The following DLG2 variants were observed in gnomAD, a reference collection of about 807,000 sequenced individuals.
The protein encoded by DLG2 is disks large homolog 2.
A neutral mutation model predicts 132.5 loss-of-function variants in DLG2; 45 were observed. The observed-to-expected ratio is 0.34, with a 90% CI of 0.27 to 0.44. The LOEUF (loss-of-function observed/expected upper bound fraction) is 0.44. Ranked by LOEUF, DLG2 falls within the 20% of genes least tolerant of loss-of-function variation. The pLI, the probability that DLG2 is intolerant of heterozygous loss-of-function variation, is 1.00. For missense variants in DLG2, 1,045 were observed against 1,196.9 expected, an observed-to-expected ratio of 0.87 and a Z score of 1.87; for synonymous variants, 424 against 419.6, an observed-to-expected ratio of 1.01 and a Z score of -0.13.
intron 7 of DLG2, among the ~76,000 whole-genome samples, chr11:84,355,817 T>C (rs867317644): frequency 2.6e-5 from 4 of 152,106 alleles, no homozygotes; most frequent in Non-Finnish European, 5.9e-5. Flanking sequence ...GGTTAGTGTA[T>C]CCTGAAGGGA....
chr11:83,747,274 ATCTTCCT>A (rs1327279431), intron 18 of DLG2, among the ~76,000 whole-genome samples: 1 of 123,890 alleles, frequency 8.1e-6, no homozygotes, highest in African/African-American at 3.2e-5. Context: ...TTGCTTTAAA[ATCTTCCT>A]TCCTTCCTTC....
intron 7 of DLG2, among the ~76,000 whole-genome samples, chr11:84,486,071 C>G (rs933481425): frequency 6.6e-6 from 1 of 152,100 alleles, no homozygotes; most frequent in Non-Finnish European, 1.5e-5. Flanking sequence ...TTTCCACAAT[C>G]TATTGGTCAG....
At chr11:84,120,468 T>G (rs1674635033) in intron 9 of DLG2, among the ~76,000 whole-genome samples, 2 of 152,216 alleles carry the variant, frequency 1.3e-5, no homozygotes. Flanking sequence ...TTCTTCACAA[T>G]GACTCTGAGA....
chr11:85,392,546 C>T (rs991612774), intron 3 of DLG2, among the ~76,000 whole-genome samples: 1 of 151,970 alleles, frequency 6.6e-6, no homozygotes, highest in Non-Finnish European at 1.5e-5. Flanking sequence ...AATCTGGAGG[C>T]ATCATACTAC....
intron 7 of DLG2, among the ~76,000 whole-genome samples, chr11:84,490,757 G>A (rs746004360): frequency 6.6e-6 from 1 of 151,506 alleles, no homozygotes; most frequent in Non-Finnish European, 1.5e-5. Flanking sequence ...GAACCTATGA[G>A]TACATCAAAA....
At chr11:85,094,740 G>T (rs1594079459) in intron 6 of DLG2, among the ~76,000 whole-genome samples, 1 of 152,278 alleles carries the variant, frequency 6.6e-6, no homozygotes, top group African/African-American at 2.4e-5. Flanking sequence ...TCAGCAATAA[G>T]GTTGTTCCAC....
At chr11:84,746,306 C>A (rs1370686791) in intron 6 of DLG2, among the ~76,000 whole-genome samples, 2 of 150,462 alleles carry the variant, frequency 1.3e-5, no homozygotes, top group Non-Finnish European at 3.0e-5. Context: ...TCTTGGATTC[C>A]AGAAACTGAT....
rs1284029771 is a variant in DLG2 at position 85,607,633 on chromosome 11, C to T, written c.-92-8845G>A. 4.6e-5 allele frequency among the ~76,000 whole-genome samples: 7 copies of T among 152,184 alleles called. No individual in the cohort carries two copies. In the South Asian group the frequency reaches 1.4e-3, roughly 32 times the overall value. ...TACCTTCTTTTGGCACCTGGGCTCA[C>T]CAATCAAAAAGACATAATTTTTGCC... On this transcript the variant is annotated intron_variant, in intron 2 of 27. Coordinates refer to ENST00000376104, the MANE Select transcript of DLG2 (RefSeq NM_001142699.3).
intron 19 of DLG2, among the ~76,000 whole-genome samples, chr11:83,596,051 A>G (rs2057521495): frequency 6.6e-6 from 1 of 152,218 alleles, no homozygotes; most frequent in African/African-American, 2.4e-5. Flanking sequence ...GTCTCACAGC[A>G]CAGTGGACCT....
intron 4 of DLG2, among the ~76,000 whole-genome samples, chr11:85,270,713 G>A (rs2077476328): frequency 6.6e-6 from 1 of 152,192 alleles, no homozygotes. Flanking sequence ...GTTGGGAACT[G>A]GAGTGAAGGT....
intron 3 of DLG2, among the ~76,000 whole-genome samples, chr11:85,570,918 G>A (rs975393439): frequency 2.0e-5 from 3 of 151,724 alleles, no homozygotes; most frequent in Non-Finnish European, 4.4e-5. Flanking sequence ...TTCGATTATT[G>A]TACTTTTCAA....
rs200106705 is a variant in DLG2, at chr11:85,308,288, AC to A, written c.41-22924del. ...GGGAAAAAAGGAATTAAAAAAAAAA[AC>A]TGACCCACAAAATATGCTAGTTATC... On this transcript the variant is annotated intron_variant, in intron 3 of 27. Transcript: ENST00000376104. Among the ~76,000 whole-genome samples, 406 of 149,318 alleles carry A rather than the reference AC, an allele frequency of 2.7e-3. 2 individuals are homozygous for A. Among genetic ancestry groups the A allele is most frequent in the Middle Eastern group, 7.1e-3 (2 of 282 alleles).
At chr11:84,345,074 G>C (rs1163101955) in intron 7 of DLG2, among the ~76,000 whole-genome samples, 1 of 152,126 alleles carries the variant, frequency 6.6e-6, no homozygotes, top group African/African-American at 2.4e-5. Flanking sequence ...TTGGCTGAGG[G>C]TCCAATCGCA....
intron 7 of DLG2, among the ~76,000 whole-genome samples, chr11:84,368,481 G>A (rs2098693075): frequency 6.6e-6 from 1 of 152,026 alleles, no homozygotes; most frequent in African/African-American, 2.4e-5. Flanking sequence ...CCATCTACTA[G>A]ATCAAGTAAA....
At chr11:84,195,649 T>C (rs1035550219) in intron 8 of DLG2, among the ~76,000 whole-genome samples, 1 of 152,170 alleles carries the variant, frequency 6.6e-6, no homozygotes, top group Non-Finnish European at 1.5e-5. Context: ...ATCTAGAAAA[T>C]TGGGATAAAA....
intron 6 of DLG2, among the ~76,000 whole-genome samples, chr11:84,884,125 C>T (rs1397618882): frequency 6.6e-6 from 1 of 152,064 alleles, no homozygotes; most frequent in Non-Finnish European, 1.5e-5. Flanking sequence ...AAAGTCAAAA[C>T]ACAAATTAGG....
intron 22 of DLG2, chr11:83,480,221 C>G: frequency 1.5e-6 from 1 of 670,848 alleles, no homozygotes; most frequent in East Asian, 2.7e-5. Flanking sequence ...TTTTATCTTT[C>G]CACATCCAGT....
At chr11:83,488,697 A>C (rs1377680822) in intron 21 of DLG2, among the ~76,000 whole-genome samples, 3 of 151,954 alleles carry the variant, frequency 2.0e-5, no homozygotes, top group African/African-American at 7.2e-5. Flanking sequence ...TTTAGGTTTA[A>C]ATTTATACTG....
At position 84,330,028 on chromosome 11, in the gene DLG2, T is replaced by C. The variant is rs370442653; in HGVS notation, c.520-78737A>G. Among the ~76,000 whole-genome samples the C allele has an allele frequency of 1.8e-4, 28 of 152,124 alleles. No individual in the cohort carries two copies. In the East Asian group the frequency reaches 3.1e-3, roughly 17 times the overall value. ...AGCTTTCACACCAATCTCATAGAAT[T>C]GTTGTGAAAATAACATAAGCTCATT... On this transcript the variant is annotated intron_variant, in intron 7 of 27. Transcript: ENST00000376104.
Sources: gnomAD v4.1 joint callset for allele counts (sites outside exome capture counted in the v4.1 genomes callset) on GRCh38, gnomAD v4.1.1 for gene constraint, MANE v1.5 for transcripts, NCBI Gene and HGNC (gene_info 2026-07-23, HGNC 2026-07-21) for gene names.